The following ACSS3 variants were observed in gnomAD, a reference collection of about 807,000 sequenced individuals.
ACSS3 encodes acyl-CoA synthetase short-chain family member 3, mitochondrial.
In ACSS3, 64 loss-of-function variants were observed where a neutral mutation model predicts 84.2. That is an observed-to-expected ratio of 0.76 (90% confidence interval 0.62 to 0.94). The LOEUF is 0.94. ACSS3 is among the 40% of genes least tolerant of loss of function. The pLI, the probability that ACSS3 is intolerant of heterozygous loss-of-function variation, is 0.00. For synonymous variants in ACSS3, 317 were observed against 310.1 expected (o/e 1.02, Z -0.23); for missense variants, 815 against 867.6 (o/e 0.94, Z 0.76).
At chr12:81,126,677 A>G (rs940510523) in intron 2 of ACSS3, among the ~76,000 whole-genome samples, 4 of 152,190 alleles carry the variant, frequency 2.6e-5, no homozygotes, top group Non-Finnish European at 5.9e-5. Context: ...CAGTCTGAAA[A>G]TCACAGTAGT....
chr12:81,230,945 A>G, intron 11 of ACSS3, 112 bp from the exon 12 acceptor site: 1 of 838,180 alleles, frequency 1.2e-6, no homozygotes. Flanking sequence ...GTTATATTTC[A>G]ATGTAGGATT....
intron 9 of ACSS3, among the ~76,000 whole-genome samples, chr12:81,201,914 C>A (rs144602505): frequency 1.3e-5 from 2 of 152,208 alleles, no homozygotes; most frequent in African/African-American, 4.8e-5. Flanking sequence ...TAGTTAGGAT[C>A]TCTATACGTT....
At chr12:81,114,508 T>A (rs1883875654) in intron 2 of ACSS3, among the ~76,000 whole-genome samples, 1 of 152,118 alleles carries the variant, frequency 6.6e-6, no homozygotes, top group Non-Finnish European at 1.5e-5. Flanking sequence ...AAACCAGGAC[T>A]TGCAGAAATT....
At chr12:81,218,508 A>T (rs1593211494) in intron 10 of ACSS3, among the ~76,000 whole-genome samples, 1 of 152,208 alleles carries the variant, frequency 6.6e-6, no homozygotes, top group African/African-American at 2.4e-5. Flanking sequence ...ATACATTTAT[A>T]AAAAGATACT....
intron 3 of ACSS3, among the ~76,000 whole-genome samples, chr12:81,136,062 A>G (rs944041834): frequency 6.6e-6 from 1 of 152,126 alleles, no homozygotes; most frequent in African/African-American, 2.4e-5. Flanking sequence ...TATCAAATGG[A>G]TGGGACATAT....
At chr12:81,171,886 C>A (rs572345177) in intron 7 of ACSS3, among the ~76,000 whole-genome samples, 2 of 152,238 alleles carry the variant, frequency 1.3e-5, no homozygotes, top group Non-Finnish European at 2.9e-5. Context: ...TGCTCCAAGG[C>A]TACAAACCTG....
intron 11 of ACSS3, among the ~76,000 whole-genome samples, chr12:81,221,303 T>C (rs759347711): frequency 3.3e-5 from 5 of 152,094 alleles, no homozygotes; most frequent in Non-Finnish European, 7.4e-5. Context: ...ATTGAGCTAC[T>C]ATAAATACAG....
At chr12:81,243,920 C>A (rs2033896351) in intron 13 of ACSS3, among the ~76,000 whole-genome samples, 1 of 152,076 alleles carries the variant, frequency 6.6e-6, no homozygotes, top group Non-Finnish European at 1.5e-5. Flanking sequence ...TTTGTTTATT[C>A]ATTTCTGATG....
At chr12:81,230,222 A>G (rs150517227) in intron 11 of ACSS3, among the ~76,000 whole-genome samples, 1 of 151,972 alleles carries the variant, frequency 6.6e-6, no homozygotes, top group African/African-American at 2.4e-5. Context: ...TAAAGGATCT[A>G]AAAGGTTTCT....
At chr12:81,167,255 T>TG (rs1172816156) in intron 7 of ACSS3, among the ~76,000 whole-genome samples, 2 of 152,160 alleles carry the variant, frequency 1.3e-5, no homozygotes, top group Non-Finnish European at 2.9e-5. Context: ...GCTTATTCAT[T>TG]GGGGGTTGGC....
At chr12:81,184,937 C>G (rs10862257) in intron 8 of ACSS3, among the ~76,000 whole-genome samples, 96,861 of 151,486 alleles carry the variant, frequency 0.64, 31,799 homozygotes, top group Non-Finnish European at 0.72. Context: ...CACAAGAAAA[C>G]TATGGTTAAT....
chr12:81,184,837 A>T (rs965116787), intron 8 of ACSS3, among the ~76,000 whole-genome samples: 2 of 151,758 alleles, frequency 1.3e-5, no homozygotes, highest in African/African-American at 4.8e-5. Flanking sequence ...ATATTTCTAA[A>T]ACTCTTCTGA....
At chr12:81,253,902 A>C (rs1350860382) in intron 15 of ACSS3, among the ~76,000 whole-genome samples, 1 of 152,094 alleles carries the variant, frequency 6.6e-6, no homozygotes, top group African/African-American at 2.4e-5. Flanking sequence ...GATGATAAGA[A>C]CCAATGTGTG....
chr12:81,219,488 CTT>C (rs1340300516), intron 10 of ACSS3, among the ~76,000 whole-genome samples: 1 of 152,062 alleles, frequency 6.6e-6, no homozygotes, highest in Non-Finnish European at 1.5e-5. Flanking sequence ...CTCCTAAACT[CTT>C]TTAGGATTCT....
Position 81,186,527 on chromosome 12 carries a change from C to A in ACSS3, c.1250+11588C>A, listed in dbSNP as rs2031263808. On this transcript the variant is annotated intron_variant, in intron 8 of 15. Coordinates refer to ENST00000548058, the MANE Select transcript of ACSS3 (RefSeq NM_024560.4). ...AGTTCAATCGTGGAAAAACTAATAA[C>A]CTGATCAAAAAATGGGCAAAATACC... 2.6e-5 allele frequency among the ~76,000 whole-genome samples: 4 copies of A among 151,714 alleles called. No homozygotes were observed. In the South Asian group the frequency reaches 8.3e-4, roughly 31 times the overall value.
At position 81,174,788 on chromosome 12, in the gene ACSS3, G is replaced by A; in HGVS notation, c.1099G>A (p.Gly367Arg). ...ACATTTTAAATGAATCTCATTGTAG[G>A]GGAAGCCTGTGGGAACACCAGATGC... ...LHGNTTVLYE[G>R]KPVGTPDAGA... The change falls in exon 8 of 16, where the codon GGG becomes AGG. Residue 367 changes from glycine to arginine, a missense_variant and splice_region_variant. Transcript: ENST00000548058. 1 of 1,611,414 alleles carries A rather than the reference G, an allele frequency of 6.2e-7. No individual in the cohort carries two copies. Among genetic ancestry groups the A allele is most frequent in the Non-Finnish European group, 8.5e-7 (1 of 1,178,346 alleles).
At chr12:81,243,854 A>G (rs931492009) in intron 13 of ACSS3, among the ~76,000 whole-genome samples, 2 of 152,288 alleles carry the variant, frequency 1.3e-5, no homozygotes, top group South Asian at 4.1e-4. Context: ...ATTATTTTGA[A>G]CAAACTTATC....
At chr12:81,199,841 CA>C (rs1565717014) in intron 9 of ACSS3, 1 of 423,588 alleles carries the variant, frequency 2.4e-6, no homozygotes, top group East Asian at 7.0e-5. Flanking sequence ...CCTAATCACT[CA>C]TCTCTATTCT....
intron 8 of ACSS3, among the ~76,000 whole-genome samples, chr12:81,183,187 C>A (rs988654169): frequency 6.6e-5 from 10 of 152,226 alleles, no homozygotes; most frequent in African/African-American, 2.4e-4. Flanking sequence ...TAAAACTCCT[C>A]TCTTTTTATC....
Sources: allele counts gnomAD v4.1 joint callset (sites outside exome capture counted in the v4.1 genomes callset), GRCh38; gene constraint gnomAD v4.1.1; transcripts MANE v1.5; gene names NCBI Gene and HGNC (gene_info 2026-07-23, HGNC 2026-07-21).